Variants in VEGFC observed in about 807,000 individuals in gnomAD.
The protein encoded by VEGFC is vascular endothelial growth factor C, also known as FLT4 ligand DHM.
VEGFC carries 12 observed loss-of-function variants against 46.1 expected under a neutral mutation model. That is an observed-to-expected ratio of 0.26 (90% CI 0.17 to 0.42). The LOEUF (loss-of-function observed/expected upper bound fraction) is 0.42. Ranked by LOEUF, VEGFC falls within the 10% of genes least tolerant of loss-of-function variation. The probability of loss-of-function intolerance (pLI) is 1.00; values close to 1 mark genes in which losing one functional copy is unlikely to be tolerated. For missense variants in VEGFC, 488 were observed against 529.4 expected (o/e 0.92, Z 0.77); for synonymous variants, 232 against 195.5 (o/e 1.19, Z -1.56).
chr4:176,684,851 G>A (rs965786921), intron 6 of VEGFC, among the ~76,000 whole-genome samples: 2 of 152,134 alleles, frequency 1.3e-5, no homozygotes, highest in Non-Finnish European at 2.9e-5. Flanking sequence ...TCAGCCTCCC[G>A]AGTAGCTGGG....
intron 1 of VEGFC, among the ~76,000 whole-genome samples, chr4:176,785,706 C>G (rs1349360546): frequency 6.6e-6 from 1 of 152,044 alleles, no homozygotes; most frequent in Non-Finnish European, 1.5e-5. Flanking sequence ...ATCTTGTACA[C>G]TTCTGATTGT....
chr4:176,779,786 A>C (rs1735877619), intron 1 of VEGFC, among the ~76,000 whole-genome samples: 1 of 152,200 alleles, frequency 6.6e-6, no homozygotes, highest in African/African-American at 2.4e-5. Flanking sequence ...AATTAACTCA[A>C]ATGTTAATAC....
chr4:176,692,979 A>G (rs1734235890), intron 4 of VEGFC, among the ~76,000 whole-genome samples: 1 of 150,574 alleles, frequency 6.6e-6, no homozygotes, highest in South Asian at 2.1e-4. Flanking sequence ...CCATCTGTAC[A>G]TCACCATCAT....
Position 176,773,682 on chromosome 4 carries a change from GT to G in VEGFC, c.147+18482del, listed in dbSNP as rs574024851. Among the ~76,000 whole-genome samples the G allele has an allele frequency of 2.6e-3, 392 of 152,022 alleles. 1 individual carries two copies. The highest frequency in any genetic ancestry group is 0.024 in the Admixed American group (363 of 15,238). Reference sequence around the variant, plus strand: ...AAGCAGCAATAATTTTCATGTGTAGGTTTGTTGTTGTTTTTTAAGAGACAGG... The same window carrying G: ...AAGCAGCAATAATTTTCATGTGTAGGTTGTTGTTGTTTTTTAAGAGACAGG... On this transcript the variant is annotated intron_variant, in intron 1 of 6. Coordinates refer to ENST00000618562, the MANE Select transcript of VEGFC (RefSeq NM_005429.5).
At position 176,711,664 on chromosome 4, in the gene VEGFC, A is replaced by C. The variant is rs2110999362; in HGVS notation, c.553-14T>G. 1 of 1,610,292 alleles carries C rather than the reference A, an allele frequency of 6.2e-7. No individual in the cohort carries two copies. Among genetic ancestry groups the C allele is most frequent in the Admixed American group, 1.7e-5 (1 of 59,198 alleles). ...AATTTCAAATAACTACAAAGAAGGG[A>C]CAAAAAGAAGAAAAAATTATATAGA... is the stretch of plus-strand genomic sequence containing the variant. On this transcript the variant is annotated splice_polypyrimidine_tract_variant and intron_variant, in intron 3 of 6. Transcript: ENST00000618562.
At chr4:176,768,513 T>TATATATATATATATATA (rs58971102) in intron 1 of VEGFC, among the ~76,000 whole-genome samples, 87 of 143,690 alleles carry the variant, frequency 6.1e-4, no homozygotes, top group South Asian at 9.0e-4. Context: ...TATATATATA[T>TATATATATATATATATA]TTCAAATTTT....
chr4:176,687,083 G>T, intron 6 of VEGFC, 104 bp downstream of exon 6: 1 of 1,196,312 alleles, frequency 8.4e-7, no homozygotes, highest in Non-Finnish European at 1.2e-6. Context: ...GAATGTATTG[G>T]CCTCATTCTA....
intron 1 of VEGFC, among the ~76,000 whole-genome samples, chr4:176,774,311 C>CG (rs1330120090): frequency 6.6e-6 from 1 of 151,596 alleles, no homozygotes; most frequent in Non-Finnish European, 1.5e-5. Context: ...ATTATTAAAC[C>CG]CAGCAAAAAT....
rs1579120025 is a variant in VEGFC at position 176,746,838 on chromosome 4, G to C, written c.148-17092C>G. On this transcript the variant is annotated intron_variant, in intron 1 of 6. Transcript: ENST00000618562. ...ATTTATCAAAGGTCGCCATCCATCA[G>C]TTATTCATATAAAGCCAGTAAAATA... is the stretch of plus-strand genomic sequence containing the variant. Among the ~76,000 whole-genome samples the C allele has an allele frequency of 4.6e-5, 7 of 152,058 alleles. No homozygotes were observed. The South Asian group carries it at 1.4e-3, about 31-fold the overall frequency.
chr4:176,765,271 A>C (rs143698135), intron 1 of VEGFC, among the ~76,000 whole-genome samples: 4 of 152,192 alleles, frequency 2.6e-5, no homozygotes, highest in Admixed American at 2.0e-4. Flanking sequence ...ATCCAGAGAA[A>C]ACTAGAAAAA....
At chr4:176,689,823 C>T (rs1734116808) in intron 4 of VEGFC, among the ~76,000 whole-genome samples, 1 of 152,128 alleles carries the variant, frequency 6.6e-6, no homozygotes. Context: ...TGTATGTTAG[C>T]AACATCAATA....
In VEGFC at chr4:176,683,832, G is replaced by T; in HGVS notation, c.*94C>A. Reference sequence around the variant, plus strand: ...GACAGACTTTTGTCTTTGTTAGCATGGACCCACAAGGGTCTCTCTGTTCAC... The same window carrying T: ...GACAGACTTTTGTCTTTGTTAGCATTGACCCACAAGGGTCTCTCTGTTCAC... On this transcript the variant is annotated 3_prime_UTR_variant, in exon 7 of 7. Coordinates refer to ENST00000618562, the MANE Select transcript of VEGFC (RefSeq NM_005429.5). The T allele has an allele frequency of 1.0e-6, 1 of 986,704 alleles. No individual in the cohort carries two copies. The highest frequency in any genetic ancestry group is 1.6e-6 in the Non-Finnish European group (1 of 630,298). The allele number at this position is 986,704 out of a possible 1,614,324, so 61.1% of individuals were successfully genotyped here. A position where few individuals can be genotyped will look rare whatever the true frequency, so the allele number is the denominator to read the frequency against.
At chr4:176,694,818 A>C (rs200272375) in intron 4 of VEGFC, among the ~76,000 whole-genome samples, 1 of 144,822 alleles carries the variant, frequency 6.9e-6, no homozygotes, top group Non-Finnish European at 1.5e-5. Flanking sequence ...ACTCAGGATT[A>C]AGAATCTCAC....
At chr4:176,729,775 C>T (rs763365678) in intron 1 of VEGFC, 29 bp from the exon 2 acceptor site, 1 of 1,525,406 alleles carries the variant, frequency 6.6e-7, no homozygotes, top group South Asian at 1.3e-5. Context: ...AGATCAATGA[C>T]TTACCAGCTT....
chr4:176,709,062 C>A (rs905827771), intron 4 of VEGFC, among the ~76,000 whole-genome samples: 6 of 152,136 alleles, frequency 3.9e-5, no homozygotes, highest in African/African-American at 1.4e-4. Context: ...AGCTTCCTGT[C>A]TCTTCTTGAC....
Position 176,697,182 on chromosome 4 carries a change from T to A in VEGFC, c.705-9255A>T, listed in dbSNP as rs1734331445. On this transcript the variant is annotated intron_variant, in intron 4 of 6. Transcript: ENST00000618562. ...TTCTGCACAGCAAAAGAAACTACCA[T>A]CAGAGTGAACAGGCAACCTACAAAA... Among the ~76,000 whole-genome samples, 5 of 151,534 alleles carry A rather than the reference T, an allele frequency of 3.3e-5. No individual in the cohort carries two copies. In the South Asian group the frequency reaches 1.0e-3, roughly 32 times the overall value.
At chr4:176,791,943 C>G (rs1736101085) in intron 1 of VEGFC, among the ~76,000 whole-genome samples, 1 of 152,198 alleles carries the variant, frequency 6.6e-6, no homozygotes, top group Non-Finnish European at 1.5e-5. Flanking sequence ...GGGCACCTCT[C>G]CGGGCCCTTC....
chr4:176,733,021 A>C (rs1210695484), intron 1 of VEGFC, among the ~76,000 whole-genome samples: 1 of 151,950 alleles, frequency 6.6e-6, no homozygotes, highest in East Asian at 1.9e-4. Context: ...AAAAGAAGTA[A>C]TATAATGCAT....
intron 1 of VEGFC, among the ~76,000 whole-genome samples, chr4:176,783,935 C>A (rs74400301): frequency 6.6e-6 from 1 of 152,058 alleles, no homozygotes; most frequent in African/African-American, 2.4e-5. Context: ...ATGTCTAGGA[C>A]ATAGTACTTA....
Sources: gnomAD v4.1 joint callset for allele counts (sites outside exome capture counted in the v4.1 genomes callset) on GRCh38, gnomAD v4.1.1 for gene constraint, MANE v1.5 for transcripts, NCBI Gene and HGNC (gene_info 2026-07-23, HGNC 2026-07-21) for gene names.